APBB2: variants seen among roughly 807,000 people sequenced by gnomAD.
APBB2 encodes the protein amyloid beta precursor protein binding family B member 2, also known as Fe65-like 1.
APBB2 carries 38 observed loss-of-function variants against 82.5 expected under a neutral mutation model. The observed-to-expected ratio is 0.46, with a 90% confidence interval of 0.36 to 0.60. The LOEUF (loss-of-function observed/expected upper bound fraction) is 0.60, where lower values mean the gene tolerates loss of function less well. APBB2 is among the 20% of genes least tolerant of loss of function. The pLI is 0.00. For synonymous variants in APBB2, 341 were observed against 368.2 expected (o/e 0.93, Z 0.85); for missense variants, 772 against 972.3 (o/e 0.79, Z 2.74).
intron 12 of APBB2, among the ~76,000 whole-genome samples, chr4:40,849,961 T>C (rs938573573): frequency 1.3e-5 from 2 of 152,118 alleles, no homozygotes; most frequent in Admixed American, 1.3e-4. Context: ...TGACCTCAGG[T>C]GATTCGCCCG....
At chr4:41,138,875 A>G (rs1758328491) in intron 2 of APBB2, among the ~76,000 whole-genome samples, 1 of 152,218 alleles carries the variant, frequency 6.6e-6, no homozygotes, top group Non-Finnish European at 1.5e-5. Context: ...ACTGATAAAC[A>G]GGTTCAACAC....
chr4:40,946,882 GAA>G (rs1395687092), intron 6 of APBB2, among the ~76,000 whole-genome samples: 1 of 152,226 alleles, frequency 6.6e-6, no homozygotes, highest in Non-Finnish European at 1.5e-5. Context: ...GCCACCGTGA[GAA>G]ATAGAGAAAT....
chr4:41,129,580 T>C (rs1471707997), intron 2 of APBB2, among the ~76,000 whole-genome samples: 1 of 152,224 alleles, frequency 6.6e-6, no homozygotes, highest in African/African-American at 2.4e-5. Context: ...CACTGAACCA[T>C]GTGCGCTGGG....
chr4:40,913,443 T>C (rs1447792285), intron 10 of APBB2, among the ~76,000 whole-genome samples: 1 of 152,232 alleles, frequency 6.6e-6, no homozygotes, highest in Non-Finnish European at 1.5e-5. Flanking sequence ...CCACTCGGAA[T>C]AATGCCACTG....
At chr4:41,097,133 G>A (rs554010968) in intron 3 of APBB2, among the ~76,000 whole-genome samples, 22 of 152,266 alleles carry the variant, frequency 1.4e-4, no homozygotes, top group African/African-American at 4.3e-4. Flanking sequence ...AAAGAAATGC[G>A]TAGGTAAAAT....
chr4:40,876,192 T>C (rs1460276076), intron 12 of APBB2, among the ~76,000 whole-genome samples: 1 of 152,256 alleles, frequency 6.6e-6, no homozygotes, highest in African/African-American at 2.4e-5. Context: ...AAAACTTTTA[T>C]TTTAAGCAAC....
chr4:40,851,056 C>G (rs1268807472), intron 12 of APBB2, among the ~76,000 whole-genome samples: 1 of 152,120 alleles, frequency 6.6e-6, no homozygotes, highest in East Asian at 1.9e-4. Flanking sequence ...ACAGCACTGG[C>G]TAAACACTTC....
intron 6 of APBB2, among the ~76,000 whole-genome samples, chr4:40,949,260 C>CTT (rs33928919): frequency 6.2e-5 from 1 of 16,038 alleles, no homozygotes; most frequent in Non-Finnish European, 2.1e-4. Context: ...CAGAGTGAGA[C>CTT]TGTCTCAAAA....
chr4:40,927,128 A>G (rs1025103799), intron 10 of APBB2, among the ~76,000 whole-genome samples: 1 of 151,230 alleles, frequency 6.6e-6, no homozygotes, highest in African/African-American at 2.4e-5. Context: ...TTGATGACAC[A>G]TTCATTTGAA....
At chr4:41,100,406 G>A (rs1420930445) in intron 3 of APBB2, among the ~76,000 whole-genome samples, 8 of 151,244 alleles carry the variant, frequency 5.3e-5, no homozygotes, top group Admixed American at 3.9e-4. Context: ...TGAGGACTCA[G>A]TTTATGAAAC....
At chr4:41,045,871 G>A (rs1258708837) in intron 4 of APBB2, among the ~76,000 whole-genome samples, 2 of 152,208 alleles carry the variant, frequency 1.3e-5, no homozygotes, top group African/African-American at 4.8e-5. Context: ...GGAATGAATA[G>A]AAGAGTTCAT....
intron 2 of APBB2, among the ~76,000 whole-genome samples, chr4:41,118,556 G>A (rs1751821983): frequency 6.6e-6 from 1 of 152,070 alleles, no homozygotes; most frequent in Non-Finnish European, 1.5e-5. Context: ...TGTCTGTGAC[G>A]CTTGTTATCA....
Position 40,823,712 on chromosome 4 carries a change from T to C in APBB2, c.1864A>G (p.Asn622Asp), listed in dbSNP as rs776343254. ...TTCACTGACAGCCAGTCCTCCTTGT[T>C]GGATGAGGTCATAAGATTTTCTATG... ...SAIENLMTSSNKEDWLSVNMN... is the reference protein window; with the variant it reads ...SAIENLMTSSDKEDWLSVNMN... The change falls in exon 16 of 18, where the codon AAC (asparagine) becomes GAC (aspartate). Residue 622 changes from asparagine to aspartate, a missense_variant. Transcript: ENST00000508593. 1 of 1,614,030 alleles carries C rather than the reference T, an allele frequency of 6.2e-7. No individual in the cohort carries two copies. The highest frequency in any genetic ancestry group is 1.1e-5 in the South Asian group (1 of 91,086).
At chr4:40,863,960 T>C (rs986300518) in intron 12 of APBB2, among the ~76,000 whole-genome samples, 3 of 148,204 alleles carry the variant, frequency 2.0e-5, no homozygotes, top group Non-Finnish European at 4.5e-5. Flanking sequence ...TCCCAACTTC[T>C]TTTAAAGCAC....
chr4:41,087,990 C>T (rs1019731871), intron 3 of APBB2, among the ~76,000 whole-genome samples: 2 of 152,134 alleles, frequency 1.3e-5, no homozygotes, highest in Non-Finnish European at 2.9e-5. Flanking sequence ...GAATGGTAAC[C>T]GTCACCTTCA....
chr4:41,144,392 A>G (rs1052968141), intron 1 of APBB2, among the ~76,000 whole-genome samples: 1 of 152,234 alleles, frequency 6.6e-6, no homozygotes, highest in Non-Finnish European at 1.5e-5. Context: ...ATCTAAAGAC[A>G]CCTAAGTATG....
intron 2 of APBB2, among the ~76,000 whole-genome samples, chr4:41,117,329 G>A (rs1751358667): frequency 7.0e-6 from 1 of 141,856 alleles, no homozygotes; most frequent in Non-Finnish European, 1.5e-5. Context: ...GTCTCACTCT[G>A]TCACCCAGGC....
At chr4:40,830,855 G>A (rs1039107543) in intron 12 of APBB2, among the ~76,000 whole-genome samples, 1 of 152,048 alleles carries the variant, frequency 6.6e-6, no homozygotes, top group Admixed American at 6.5e-5. Context: ...GATTGTTTGA[G>A]GCCAGAAGTT....
At chr4:40,997,315 A>G (rs1803896251) in intron 6 of APBB2, among the ~76,000 whole-genome samples, 1 of 152,228 alleles carries the variant, frequency 6.6e-6, no homozygotes, top group South Asian at 2.1e-4. Context: ...AGCAGGTCCT[A>G]GACCAAACCT....
Sources: allele counts gnomAD v4.1 joint callset (sites outside exome capture counted in the v4.1 genomes callset), GRCh38; gene constraint gnomAD v4.1.1; transcripts MANE v1.5; gene names NCBI Gene and HGNC (gene_info 2026-07-23, HGNC 2026-07-21).